The following STX2 variants were observed in gnomAD, a reference collection of about 807,000 sequenced individuals.
STX2 encodes syntaxin-2.
In STX2, 27 loss-of-function variants were observed where a neutral mutation model predicts 40.6. The observed-to-expected ratio is 0.66, with a 90% CI of 0.49 to 0.92. STX2 has a LOEUF of 0.92. Ranked by LOEUF, STX2 falls within the 40% of genes least tolerant of loss-of-function variation. The probability of loss-of-function intolerance (pLI) is 0.00; values close to 1 mark genes in which losing one functional copy is unlikely to be tolerated. For missense variants in STX2, 328 were observed against 366.1 expected (o/e 0.90, Z 0.85); for synonymous variants, 123 against 119.1 (o/e 1.03, Z -0.22).
At chr12:130,812,494 T>C (rs1184436223) in intron 4 of STX2, 1 of 335,650 alleles carries the variant, frequency 3.0e-6, no homozygotes, top group Non-Finnish European at 5.8e-6. Flanking sequence ...TTTTTGATCT[T>C]GATGCCATTC....
At chr12:130,796,233 C>T in intron 9 of STX2, 113 bp from the exon 10 acceptor site, 1 of 1,364,664 alleles carries the variant, frequency 7.3e-7, no homozygotes, top group South Asian at 1.4e-5. Context: ...GTGGCTCACG[C>T]CTGTAATCTC....
intron 3 of STX2, among the ~76,000 whole-genome samples, chr12:130,820,121 C>A (rs1464167686): frequency 6.6e-6 from 1 of 152,122 alleles, no homozygotes; most frequent in Non-Finnish European, 1.5e-5. Context: ...AATACATGTG[C>A]CCCCATCACC....
chr12:130,811,770 G>A (rs1438116309), intron 4 of STX2, among the ~76,000 whole-genome samples: 1 of 152,082 alleles, frequency 6.6e-6, no homozygotes, highest in Admixed American at 6.5e-5. Context: ...TCGATCTCCT[G>A]ACCTTGTGAT....
intron 10 of STX2, 33 bp from the exon 11 acceptor site, chr12:130,792,010 G>T (rs200204443): frequency 2.0e-6 from 3 of 1,464,396 alleles, no homozygotes; most frequent in Non-Finnish European, 1.9e-6. Flanking sequence ...AATTTGCAAT[G>T]TATCAAAGAA....
At chr12:130,832,664 C>G (rs747609822) in intron 1 of STX2, among the ~76,000 whole-genome samples, 1 of 152,174 alleles carries the variant, frequency 6.6e-6, no homozygotes, top group East Asian at 1.9e-4. Flanking sequence ...AGCATTTAAA[C>G]TTGGGGGCGG....
intron 10 of STX2, among the ~76,000 whole-genome samples, chr12:130,793,378 C>T (rs937294579): frequency 2.0e-5 from 3 of 152,196 alleles, no homozygotes; most frequent in African/African-American, 7.2e-5. Flanking sequence ...TGCCTTCCCT[C>T]CCTCCAGAGG....
At position 130,789,930 on chromosome 12, in the gene STX2, T is replaced by C. The variant is rs1264038654; in HGVS notation, c.*2093A>G. ...GTACTGCAAATCTAAGAAGAATAAC[T>C]TGAAAAATACCATAATAAGTGTTGT... On this transcript the variant is annotated 3_prime_UTR_variant, in exon 11 of 11. Coordinates refer to ENST00000392373, the MANE Select transcript of STX2 (RefSeq NM_194356.4). The C allele has an allele frequency of 6.6e-6, 1 of 152,056 alleles. No homozygotes were observed. Among genetic ancestry groups the C allele is most frequent in the African/African-American group, 2.4e-5 (1 of 41,390 alleles). 9.4% of individuals were successfully genotyped at this position (152,056 alleles called of 1,614,324 possible). A position where few individuals can be genotyped will look rare whatever the true frequency, so the allele number is the denominator to read the frequency against.
At chr12:130,805,197 T>C (rs1013040026) in intron 6 of STX2, among the ~76,000 whole-genome samples, 1 of 152,234 alleles carries the variant, frequency 6.6e-6, no homozygotes, top group Non-Finnish European at 1.5e-5. Flanking sequence ...GACATCATGA[T>C]TGAGCATTTC....
chr12:130,812,674 C>T, intron 4 of STX2: 1 of 337,798 alleles, frequency 3.0e-6, no homozygotes. Context: ...AAGAAATGAG[C>T]AATTAAAGGG....
chr12:130,838,013 C>A (rs1015451626), intron 1 of STX2, among the ~76,000 whole-genome samples: 2 of 152,200 alleles, frequency 1.3e-5, no homozygotes, highest in African/African-American at 4.8e-5. Context: ...TTTCTCTATT[C>A]TCCCACTCGG....
chr12:130,827,379 C>G, intron 1 of STX2, 112 bp from the exon 2 acceptor site: 1 of 761,550 alleles, frequency 1.3e-6, no homozygotes, highest in African/African-American at 1.7e-5. Flanking sequence ...CACTACAGCA[C>G]CAAATTGTAA....
At chr12:130,810,498 G>A (rs1951607892) in intron 4 of STX2, 1 of 152,200 alleles carries the variant, frequency 6.6e-6, no homozygotes, top group Non-Finnish European at 1.5e-5. Context: ...CAGGAGCAGG[G>A]CTTCCTGGGG....
In STX2 at chr12:130,805,960, C is replaced by T. The variant is rs115116440; in HGVS notation, c.463+1022G>A. On this transcript the variant is annotated intron_variant, in intron 6 of 10. Coordinates refer to ENST00000392373, the MANE Select transcript of STX2 (RefSeq NM_194356.4). ...CGGTTCAAGTTACTACAAGTGCGTC[C>T]CAGTTGTACAGTGGGGAGCAACACA... Among the ~76,000 whole-genome samples, 553 of 152,244 alleles carry T rather than the reference C, an allele frequency of 3.6e-3. 1 individual carries two copies. Among genetic ancestry groups the T allele is most frequent in the African/African-American group, 0.013 (528 of 41,530 alleles).
intron 8 of STX2, among the ~76,000 whole-genome samples, chr12:130,798,901 T>C (rs1041939162): frequency 3.9e-5 from 6 of 152,230 alleles, no homozygotes; most frequent in Non-Finnish European, 7.3e-5. Context: ...AAGTCAATTC[T>C]GAGATACCTT....
chr12:130,807,409 G>A (rs562884697), intron 5 of STX2, among the ~76,000 whole-genome samples: 1 of 150,762 alleles, frequency 6.6e-6, no homozygotes, highest in Admixed American at 6.6e-5. Flanking sequence ...GTGGACCCCA[G>A]AGCCCGCGTG....
At chr12:130,822,827 T>C (rs1222768100) in intron 2 of STX2, among the ~76,000 whole-genome samples, 2 of 152,150 alleles carry the variant, frequency 1.3e-5, no homozygotes, top group East Asian at 1.9e-4. Flanking sequence ...CCCTGAGCAG[T>C]AGGATATAAA....
At position 130,807,086 on chromosome 12, in the gene STX2, G is replaced by T; in HGVS notation, c.359C>A (p.Ser120Ter). 1 of 1,614,046 alleles carries T rather than the reference G, an allele frequency of 6.2e-7. No individual in the cohort carries two copies. Among genetic ancestry groups the T allele is most frequent in the Non-Finnish European group, 8.5e-7 (1 of 1,179,936 alleles). The change falls in exon 6 of 11, where the codon TCG (serine) becomes TAG (stop). Residue 120 changes from serine to a stop codon, truncating the protein, a stop_gained. Transcript: ENST00000392373. LOFTEE classifies it high-confidence loss of function. ...VDLRIRRTQHSVLSRKFVEAM... is the reference protein window; with the variant it reads ...VDLRIRRTQH ...TTCCACAAACTTCCGAGACAGCACCGAATGCTAACAACACAGGAAAACTAC... is the reference window on the plus strand; with the variant it reads ...TTCCACAAACTTCCGAGACAGCACCTAATGCTAACAACACAGGAAAACTAC...
intron 3 of STX2, among the ~76,000 whole-genome samples, chr12:130,813,650 C>T (rs10744482): frequency 0.46 from 70,439 of 151,840 alleles, 19,499 homozygotes; most frequent in East Asian, 0.87. Context: ...CACTCCAGGG[C>T]AGTGCTGAGA....
chr12:130,795,562 G>A (rs975209444), intron 10 of STX2, among the ~76,000 whole-genome samples: 2 of 152,180 alleles, frequency 1.3e-5, no homozygotes, highest in East Asian at 1.9e-4. Context: ...GAGAGTTCTC[G>A]TCTCTACTAA....
Sources: gnomAD v4.1 joint callset for allele counts (sites outside exome capture counted in the v4.1 genomes callset) on GRCh38, gnomAD v4.1.1 for gene constraint, MANE v1.5 for transcripts, NCBI Gene and HGNC (gene_info 2026-07-23, HGNC 2026-07-21) for gene names.